ADAMTS20: variants seen among roughly 807,000 people sequenced by gnomAD.
ADAMTS20 encodes the protein ADAM metallopeptidase with thrombospondin type 1 motif 20, also known as A disintegrin and metalloproteinase with thrombospondin motifs 20.
In ADAMTS20, 225 loss-of-function variants were observed where a neutral mutation model predicts 260.1. The ratio of observed to expected loss-of-function variants is 0.87; its 90% CI spans 0.78 to 0.97. ADAMTS20 has a LOEUF of 0.97. Among genes scored for constraint, ADAMTS20 ranks in the 50% least tolerant of loss-of-function variants. The pLI, the probability that ADAMTS20 is intolerant of heterozygous loss-of-function variation, is 0.00. For synonymous variants in ADAMTS20, 802 were observed against 769.5 expected (o/e 1.04, Z -0.70); for missense variants, 2,400 against 2,337.7 (o/e 1.03, Z -0.55).
intron 28 of ADAMTS20, among the ~76,000 whole-genome samples, chr12:43,421,905 T>C (rs946412006): frequency 6.6e-6 from 1 of 152,020 alleles, no homozygotes; most frequent in African/African-American, 2.4e-5. Flanking sequence ...CAGTTTGTTA[T>C]TTAAGAAAAA....
chr12:43,391,631 G>A (rs1022044817), intron 29 of ADAMTS20, among the ~76,000 whole-genome samples: 1 of 152,124 alleles, frequency 6.6e-6, no homozygotes. Flanking sequence ...GTCATAATGA[G>A]TAATATTGTT....
Position 43,428,241 on chromosome 12 carries a change from T to A in ADAMTS20, c.3945A>T (p.Ser1315=). The change falls in exon 26 of 39, where the codon TCA becomes TCT. Residue 1315 remains serine, a splice_region_variant and synonymous_variant. Transcript: ENST00000389420. ...GNQWRTGPWG[S]CSSSCSGGLQ... ...ATATAACTCAATAAAGATGGCTTAC[T>A]GATCCCCATGGTCCGGTTCTCCACT... 1.2e-6 allele frequency: 2 copies of A among 1,613,204 alleles called. No homozygotes were observed. The highest frequency in any genetic ancestry group is 1.7e-6 in the Non-Finnish European group (2 of 1,179,392).
chr12:43,432,277 G>A, intron 21 of ADAMTS20, 27 bp downstream of exon 21: 3 of 1,601,122 alleles, frequency 1.9e-6, no homozygotes, highest in Non-Finnish European at 2.6e-6. Context: ...TATTTTAATA[G>A]TTCCAAGCAT....
intron 37 of ADAMTS20, among the ~76,000 whole-genome samples, chr12:43,361,951 A>T (rs1200665388): frequency 1.3e-5 from 2 of 152,240 alleles, no homozygotes; most frequent in East Asian, 3.8e-4. Context: ...TACAACATGT[A>T]ATGACAAGGA....
At chr12:43,543,708 A>G (rs1943406622) in intron 2 of ADAMTS20, among the ~76,000 whole-genome samples, 1 of 152,132 alleles carries the variant, frequency 6.6e-6, no homozygotes, top group Non-Finnish European at 1.5e-5. Flanking sequence ...AGCCTGTAAT[A>G]AAGACTATTG....
intron 22 of ADAMTS20, among the ~76,000 whole-genome samples, 191 bp downstream of exon 22, chr12:43,431,141 T>C (rs1941434356): frequency 6.6e-6 from 1 of 152,238 alleles, no homozygotes; most frequent in African/African-American, 2.4e-5. Context: ...AGCTGAAATA[T>C]TTATTACAGA....
chr12:43,387,451 T>A (rs1940504474), intron 29 of ADAMTS20, among the ~76,000 whole-genome samples: 1 of 152,126 alleles, frequency 6.6e-6, no homozygotes, highest in Non-Finnish European at 1.5e-5. Context: ...TGTCTCCCAG[T>A]CAGGAGGCAC....
rs56226241 is a variant in ADAMTS20 at position 43,433,703 on chromosome 12, AACACACACACACAC to A, written c.2720+528_2720+541del. 1,325 of 357,134 alleles carry A rather than the reference AACACACACACACAC, an allele frequency of 3.7e-3. 1 individual carries two copies. The highest frequency in any genetic ancestry group is 4.4e-3 in the Non-Finnish European group (810 of 185,720). The allele number at this position is 357,134 out of a possible 1,614,324, so 22.1% of individuals were successfully genotyped here. ...ACGCACACACACACATGCACACACA[AACACACACACACAC>A]ACACACACACACACACACACACACA... On this transcript the variant is annotated intron_variant, in intron 19 of 38. Coordinates refer to ENST00000389420, the MANE Select transcript of ADAMTS20 (RefSeq NM_025003.5).
In ADAMTS20 at chr12:43,375,521, ACAT is replaced by A; in HGVS notation, c.5313-12_5313-10del. ...GATATGGATTTTTTAGTCTGTAACA[ACAT>A]TGGGATATTTTAGTATTAGATGCAG... is the stretch of plus-strand genomic sequence containing the variant. On this transcript the variant is annotated splice_polypyrimidine_tract_variant and intron_variant, in intron 35 of 38. Coordinates refer to ENST00000389420, the MANE Select transcript of ADAMTS20 (RefSeq NM_025003.5). The A allele has an allele frequency of 1.2e-6, 2 of 1,612,408 alleles. No individual in the cohort carries two copies. Among genetic ancestry groups the A allele is most frequent in the Non-Finnish European group, 1.7e-6 (2 of 1,179,174 alleles).
chr12:43,460,189 C>T (rs1942034900), intron 11 of ADAMTS20, among the ~76,000 whole-genome samples: 1 of 151,960 alleles, frequency 6.6e-6, no homozygotes, highest in Non-Finnish European at 1.5e-5. Context: ...ATGATGCTAC[C>T]CCAAATACCA....
At chr12:43,378,519 G>A (rs1940278791) in intron 31 of ADAMTS20, among the ~76,000 whole-genome samples, 1 of 152,198 alleles carries the variant, frequency 6.6e-6, no homozygotes, top group Non-Finnish European at 1.5e-5. Context: ...GTTAACCCTA[G>A]ATTAAACAAT....
At position 43,452,414 on chromosome 12, in the gene ADAMTS20, TA is replaced by T. The variant is rs1565555242; in HGVS notation, c.1943-5del. ...TTACAACGATCCTTTGTGCCAACTG[TA>T]AAAAAGAAAAAGGTCAAATTTTTAA... is the stretch of plus-strand genomic sequence containing the variant. On this transcript the variant is annotated splice_region_variant and splice_polypyrimidine_tract_variant and intron_variant, in intron 13 of 38. Transcript: ENST00000389420. 1.2e-6 allele frequency: 2 copies of T among 1,605,378 alleles called. No individual in the cohort carries two copies. Among genetic ancestry groups the T allele is most frequent in the African/African-American group, 1.3e-5 (1 of 74,134 alleles).
At chr12:43,510,327 T>G (rs1942905175) in intron 3 of ADAMTS20, among the ~76,000 whole-genome samples, 1 of 151,968 alleles carries the variant, frequency 6.6e-6, no homozygotes, top group African/African-American at 2.4e-5. Context: ...TTCTTTAACA[T>G]CTCGGTGCCC....
chr12:43,468,500 A>C (rs1942194354), intron 8 of ADAMTS20, 100 bp downstream of exon 8: 2 of 769,020 alleles, frequency 2.6e-6, no homozygotes. Flanking sequence ...CATTTTATGA[A>C]GAAACAAAGG....
intron 29 of ADAMTS20, among the ~76,000 whole-genome samples, chr12:43,394,238 C>A (rs1276357923): frequency 6.6e-6 from 1 of 152,038 alleles, no homozygotes; most frequent in Non-Finnish European, 1.5e-5. Context: ...CTAATAAAAT[C>A]AGGGCTCTTG....
At chr12:43,537,816 T>G (rs1943317728) in intron 2 of ADAMTS20, among the ~76,000 whole-genome samples, 1 of 152,204 alleles carries the variant, frequency 6.6e-6, no homozygotes. Context: ...TGATCTCTAA[T>G]TCCATCCCCA....
At chr12:43,425,838 G>T in intron 27 of ADAMTS20, 148 bp from the exon 28 acceptor site, 1 of 500,858 alleles carries the variant, frequency 2.0e-6, no homozygotes, top group South Asian at 6.5e-5. Flanking sequence ...CTCTAGTAAT[G>T]GTAGCGTTTA....
At chr12:43,384,797 T>A (rs559979203) in intron 29 of ADAMTS20, among the ~76,000 whole-genome samples, 1 of 152,344 alleles carries the variant, frequency 6.6e-6, no homozygotes, top group African/African-American at 2.4e-5. Context: ...ATCCTTTTTT[T>A]ATAGCTGCAT....
chr12:43,489,816 A>G (rs1294844698), intron 7 of ADAMTS20, among the ~76,000 whole-genome samples: 3 of 152,032 alleles, frequency 2.0e-5, no homozygotes, highest in Admixed American at 6.5e-5. Context: ...AGATATATAA[A>G]CTGTAGATGA....
Sources: gnomAD v4.1 joint callset for allele counts (sites outside exome capture counted in the v4.1 genomes callset) on GRCh38, gnomAD v4.1.1 for gene constraint, MANE v1.5 for transcripts, NCBI Gene and HGNC (gene_info 2026-07-23, HGNC 2026-07-21) for gene names.